RUNX1: variants seen among roughly 807,000 people sequenced by gnomAD.
RUNX1 encodes runt-related transcription factor 1.
A neutral mutation model predicts 42.8 loss-of-function variants in RUNX1; 19 were observed. The observed-to-expected ratio is 0.44, with a 90% CI of 0.31 to 0.65. The LOEUF is 0.65. Ranked by LOEUF, RUNX1 falls within the 30% of genes least tolerant of loss-of-function variation. RUNX1 has a pLI of 0.07. For synonymous variants in RUNX1, 271 were observed against 289.4 expected (o/e 0.94, Z 0.64); for missense variants, 528 against 672.0 (o/e 0.79, Z 2.37).
In RUNX1 at chr21:34,983,528, G is replaced by T. The variant is rs1371996444; in HGVS notation, c.58+65314C>A. Reference sequence around the variant, plus strand: ...CAAATAAAAGGTAATTACATGAAATGATAATGATATACAATCTCTTTACTG... The same window carrying T: ...CAAATAAAAGGTAATTACATGAAATTATAATGATATACAATCTCTTTACTG... On this transcript the variant is annotated intron_variant, in intron 2 of 8. Transcript: ENST00000675419. Among the ~76,000 whole-genome samples, 3 of 152,160 alleles carry T rather than the reference G, an allele frequency of 2.0e-5. No homozygotes were observed. The East Asian group carries it at 5.8e-4, about 29-fold the overall frequency.
At chr21:34,980,930 G>C (rs917923416) in intron 2 of RUNX1, among the ~76,000 whole-genome samples, 1 of 152,208 alleles carries the variant, frequency 6.6e-6, no homozygotes, top group Admixed American at 6.5e-5. Flanking sequence ...TACCAAGTGA[G>C]TATTTCTACT....
At chr21:34,887,770 G>T (rs2058020131) in intron 3 of RUNX1, 1 of 1,062,220 alleles carries the variant, frequency 9.4e-7, no homozygotes, top group South Asian at 4.5e-5. Context: ...AAACACAACA[G>T]AAATCCATTA....
In RUNX1 at chr21:34,892,961, A is replaced by G. The variant is rs771153643; in HGVS notation, c.61T>C (p.Cys21Arg). ...PSYPQCFMRE[C>R]ILGMNPSRDV... is the part of the protein sequence containing the mutation. ...CTAGAAGGATTCATTCCAAGTATGC[A>G]TTCTGAAATAACAGAAAGTAGGAAA... Residue 21 changes from cysteine (C) to arginine (R), a missense_variant and splice_region_variant, in exon 3 of 9, where the codon TGC becomes CGC. By Grantham distance (180) the Cys-to-Arg change is radical (BLOSUM62 -3). This residue lies in a region of RUNX1 where 114 missense variants were observed against 115.0 expected (regional missense o/e 0.99). Coordinates refer to ENST00000675419, the MANE Select transcript of RUNX1 (RefSeq NM_001754.5). The G allele has an allele frequency of 1.9e-6, 3 of 1,572,960 alleles. No homozygotes were observed. Among genetic ancestry groups the G allele is most frequent in the Non-Finnish European group, 2.6e-6 (3 of 1,143,468 alleles).
chr21:35,042,288 C>T (rs888414523), intron 2 of RUNX1, among the ~76,000 whole-genome samples: 1 of 152,180 alleles, frequency 6.6e-6, no homozygotes, highest in African/African-American at 2.4e-5. Context: ...TCTGCAACTT[C>T]CAAGAGGGAA....
intron 7 of RUNX1, among the ~76,000 whole-genome samples, chr21:34,803,556 A>AAG (rs1341846794): frequency 6.6e-6 from 1 of 150,950 alleles, no homozygotes; most frequent in Admixed American, 6.6e-5. Flanking sequence ...CAGAAAAAAA[A>AAG]AAATAATAAT....
chr21:35,010,302 C>A (rs1283385435), intron 2 of RUNX1, among the ~76,000 whole-genome samples: 1 of 151,944 alleles, frequency 6.6e-6, no homozygotes, highest in Non-Finnish European at 1.5e-5. Context: ...GGGGTAGTAA[C>A]AACAACTGCT....
intron 2 of RUNX1, among the ~76,000 whole-genome samples, chr21:34,918,127 CAA>C (rs71324335): frequency 2.2e-4 from 16 of 71,256 alleles, no homozygotes; most frequent in East Asian, 9.7e-4. Flanking sequence ...GACTCTGTCT[CAA>C]AAAAAAAAAA....
Position 34,848,091 on chromosome 21 carries a change from G to A in RUNX1, c.613+11383C>T, listed in dbSNP as rs118067925. Among the ~76,000 whole-genome samples, 857 of 152,302 alleles carry A rather than the reference G, an allele frequency of 5.6e-3. 3 individuals carry two copies. Among genetic ancestry groups the A allele is most frequent in the Non-Finnish European group, 9.4e-3 (639 of 68,028 alleles). On this transcript the variant is annotated intron_variant, in intron 6 of 8. Coordinates refer to ENST00000675419, the MANE Select transcript of RUNX1 (RefSeq NM_001754.5). ...GCTAATATTTAAGGAACACTTCTGT[G>A]CCCAGCACGGTGCTATGCCCTAACA...
At chr21:34,868,160 T>C (rs1279191568) in intron 5 of RUNX1, among the ~76,000 whole-genome samples, 1 of 152,076 alleles carries the variant, frequency 6.6e-6, no homozygotes, top group African/African-American at 2.4e-5. Context: ...GAGGGAAGCT[T>C]GAGGCAAGCT....
intron 2 of RUNX1, among the ~76,000 whole-genome samples, chr21:35,039,640 T>A (rs2059343090): frequency 6.6e-6 from 1 of 152,194 alleles, no homozygotes. Flanking sequence ...GTAATACAAT[T>A]ATTTCTTTGT....
chr21:34,881,813 A>G (rs2057909697), intron 4 of RUNX1, among the ~76,000 whole-genome samples: 1 of 152,210 alleles, frequency 6.6e-6, no homozygotes, highest in African/African-American at 2.4e-5. Flanking sequence ...TTTCTTGGCT[A>G]TCATTTAGGC....
At chr21:34,936,094 A>G (rs1414333984) in intron 2 of RUNX1, among the ~76,000 whole-genome samples, 1 of 148,252 alleles carries the variant, frequency 6.7e-6, no homozygotes, top group Non-Finnish European at 1.5e-5. Flanking sequence ...CCCCCTTCCC[A>G]GAAGCCCCCC....
At chr21:34,871,053 T>C (rs1358368604) in intron 5 of RUNX1, among the ~76,000 whole-genome samples, 1 of 152,212 alleles carries the variant, frequency 6.6e-6, no homozygotes, top group Non-Finnish European at 1.5e-5. Flanking sequence ...TGATACCACC[T>C]GGAGCTTTCT....
rs1323135993 is a variant in RUNX1, at chr21:34,792,234, G to A, written c.1344C>T (p.Asn448=). The change falls in exon 9 of 9, where the codon AAC becomes AAT. Residue 448 remains asparagine, a synonymous_variant. Transcript: ENST00000675419. This position sits in a 1 kb window ranked among gnomAD's most constrained non-coding sequence, Gnocchi z 6.9. ...CCTCGGCCTCCACCACGTCGCTCTG[G>A]TTCGGGAGGCTGGGGTTGAGCAGCG... is the stretch of plus-strand genomic sequence containing the variant. ...GSALLNPSLP[N]QSDVVEAEGS... is the part of the protein sequence containing the mutation. 6.5e-7 allele frequency: 1 copy of A among 1,540,986 alleles called. No individual in the cohort carries two copies. The highest frequency in any genetic ancestry group is 8.7e-7 in the Non-Finnish European group (1 of 1,149,088).
At chr21:34,866,773 GC>G (rs2057669132) in intron 5 of RUNX1, among the ~76,000 whole-genome samples, 1 of 152,178 alleles carries the variant, frequency 6.6e-6, no homozygotes, top group Non-Finnish European at 1.5e-5. Context: ...ATACTTGTGT[GC>G]AAAGTGCCTG....
intron 2 of RUNX1, among the ~76,000 whole-genome samples, chr21:34,951,094 C>G (rs967400190): frequency 6.6e-6 from 1 of 152,154 alleles, no homozygotes; most frequent in Non-Finnish European, 1.5e-5. Flanking sequence ...TACAGTGCTG[C>G]CGAGTGTTAG....
chr21:35,024,348 T>C (rs547560786), intron 2 of RUNX1, among the ~76,000 whole-genome samples: 3 of 152,368 alleles, frequency 2.0e-5, no homozygotes, highest in South Asian at 2.1e-4. Flanking sequence ...ATTGTGAAGA[T>C]GCCATGCCAA....
Position 34,834,452 on chromosome 21 carries a change from G to T in RUNX1, c.763C>A (p.His255Asn), listed in dbSNP as rs2057111569. The change falls in exon 7 of 9, where the codon CAC becomes AAC. Residue 255 changes from histidine to asparagine, a missense_variant. Physicochemically the swap from His to Asn is moderately conservative, Grantham distance 68 (BLOSUM62 1). Around this residue, in one of 3 missense-constraint regions of RUNX1, gnomAD observed 331 missense variants for 382.5 expected, o/e 0.87. Coordinates refer to ENST00000675419, the MANE Select transcript of RUNX1 (RefSeq NM_001754.5). ...GGCTGAGGGTTAAAGGCAGTGGAGTGGTTCAGGGAGGCACGAGGGTTGGGC... is the reference window on the plus strand; with the variant it reads ...GGCTGAGGGTTAAAGGCAGTGGAGTTGTTCAGGGAGGCACGAGGGTTGGGC... The part of the protein sequence containing the change: ...PTPNPRASLN[H>N]STAFNPQPQS... The T allele has an allele frequency of 6.2e-7, 1 of 1,610,538 alleles. No individual in the cohort carries two copies. Among genetic ancestry groups the T allele is most frequent in the Non-Finnish European group, 8.5e-7 (1 of 1,177,276 alleles).
At chr21:34,967,192 C>CAT (rs1569129534) in intron 2 of RUNX1, among the ~76,000 whole-genome samples, 1 of 150,820 alleles carries the variant, frequency 6.6e-6, no homozygotes, top group Admixed American at 6.6e-5. Context: ...TGGTGGCAGG[C>CAT]GCCTGTAATC....
Sources: gnomAD v4.1 joint callset for allele counts (sites outside exome capture counted in the v4.1 genomes callset) on GRCh38, gnomAD v4.1.1 for gene constraint, gnomAD v4.1.1 regional missense constraint, Gnocchi (gnomAD v3.1) non-coding constraint, MANE v1.5 for transcripts, NCBI Gene and HGNC (gene_info 2026-07-23, HGNC 2026-07-21) for gene names.